FHAD1: variants seen among roughly 807,000 people sequenced by gnomAD.
The protein encoded by FHAD1 is forkhead associated phosphopeptide binding domain 1, also known as forkhead-associated domain-containing protein 1.
In FHAD1, 146 loss-of-function variants were observed where a neutral mutation model predicts 191.3. The observed-to-expected ratio is 0.76, with a 90% CI of 0.67 to 0.88. FHAD1 has a LOEUF of 0.88. Among genes scored for constraint, FHAD1 ranks in the 40% least tolerant of loss-of-function variants. The pLI, the probability that FHAD1 is intolerant of heterozygous loss-of-function variation, is 0.00. For synonymous variants in FHAD1, 616 were observed against 672.3 expected, an observed-to-expected ratio of 0.92 and a Z score of 1.29; for missense variants, 1,635 against 1,785.8, an observed-to-expected ratio of 0.92 and a Z score of 1.52.
At chr1:15,365,727 A>G in intron 23 of FHAD1, 100 bp from the exon 24 acceptor site, 1 of 714,348 alleles carries the variant, frequency 1.4e-6, no homozygotes. Flanking sequence ...ATGGACCGTG[A>G]TTGAGAATCT....
chr1:15,385,757 A>G (rs1701965507), intron 31 of FHAD1, among the ~76,000 whole-genome samples: 1 of 152,230 alleles, frequency 6.6e-6, no homozygotes, highest in Non-Finnish European at 1.5e-5. Context: ...CCTGGGCAAC[A>G]CAGCAAGACC....
At chr1:15,328,167 A>C (rs1679634241) in intron 12 of FHAD1, 110 bp from the exon 13 acceptor site, 1 of 857,998 alleles carries the variant, frequency 1.2e-6, no homozygotes, top group African/African-American at 1.7e-5. Flanking sequence ...CCGTGCTTAG[A>C]CAGGGACTTA....
At chr1:15,254,508 G>GGGT (rs55822521) in intron 2 of FHAD1, among the ~76,000 whole-genome samples, 107,583 of 151,904 alleles carry the variant, frequency 0.71, 39,131 homozygotes, top group East Asian at 0.95. Context: ...TTTGTTCACA[G>GGGT]TAAGGTGGGT....
rs562673863 is a variant in FHAD1, at chr1:15,301,402, C to T, written c.876C>T (p.Ile292=). 7.4e-5 allele frequency: 115 copies of T among 1,551,726 alleles called. No homozygotes were observed. The East Asian group carries it at 2.4e-3, about 33-fold the overall frequency. Residue 292 remains isoleucine, a synonymous_variant, in exon 6 of 34, where the codon ATC becomes ATT. Transcript: ENST00000688493. ...AGTGTCAGGTTCTGGATGAAGACAT[C>T]GATGCCAAACAGAAAGAGATCCAGA... ...SQKCQVLDED[I]DAKQKEIQSL... is the part of the protein sequence containing the mutation.
chr1:15,318,222 G>C lies in FHAD1; in HGVS notation c.1365+294G>C, dbSNP rs1390749659. ...ACCCACCTCTGGCCTCCCAATCCCA[G>C]TTTTGAGTTTCGTGTTGCTTAATTA... On this transcript the variant is annotated intron_variant, in intron 10 of 33. Coordinates refer to ENST00000688493, the MANE Select transcript of FHAD1 (RefSeq NM_001391957.1). This position sits in a 1 kb window ranked among gnomAD's most constrained non-coding sequence, Gnocchi z 4.1. Among the ~76,000 whole-genome samples the C allele has an allele frequency of 6.6e-6, 1 of 152,156 alleles. No individual in the cohort carries two copies. Among genetic ancestry groups the C allele is most frequent in the Non-Finnish European group, 1.5e-5 (1 of 68,040 alleles).
intron 3 of FHAD1, among the ~76,000 whole-genome samples, chr1:15,277,846 T>C (rs1283234658): frequency 1.3e-5 from 2 of 152,174 alleles, no homozygotes; most frequent in Non-Finnish European, 2.9e-5. Flanking sequence ...GTGATGATAA[T>C]GTCTGGCGGC....
At position 15,358,136 on chromosome 1, in the gene FHAD1, G is replaced by C. The variant is rs771120143; in HGVS notation, c.2589G>C (p.Glu863Asp). 32 of 1,511,996 alleles carry C rather than the reference G, an allele frequency of 2.1e-5. 1 individual carries two copies. The highest frequency in any genetic ancestry group is 1.8e-5 in the Non-Finnish European group (21 of 1,137,286). 93.7% of individuals were successfully genotyped at this position (1,511,996 alleles called of 1,614,324 possible). A position where few individuals can be genotyped will look rare whatever the true frequency, so the allele number is the denominator to read the frequency against. The change falls in exon 21 of 34, where the codon GAG (glutamate) becomes GAC (aspartate). Residue 863 changes from glutamate to aspartate, a missense_variant. Physicochemically the swap from Glu to Asp is conservative, Grantham distance 45. Coordinates refer to ENST00000688493, the MANE Select transcript of FHAD1 (RefSeq NM_001391957.1). The part of the protein sequence containing the change: ...KEELELKEQK[E>D]DVLNNKLSDA... ...AATTAGAATTAAAAGAGCAAAAAGA[G>C]GACGTTTTAAATAATAAATTAAGTG...
In FHAD1 at chr1:15,272,394, C is replaced by T; in HGVS notation, c.165C>T (p.Asp55=). 1 of 1,551,766 alleles carries T rather than the reference C, an allele frequency of 6.4e-7. No homozygotes were observed. Among genetic ancestry groups the T allele is most frequent in the Non-Finnish European group, 8.7e-7 (1 of 1,147,004 alleles). Residue 55 remains aspartate (D), a synonymous_variant, in exon 3 of 34, where the codon GAC becomes GAT. Transcript: ENST00000688493. ...CGGAGTGCAGCTTTGTTCTCCAGGA[C>T]TTCAATTCCCGCAACGGCACGTTTG... ...NEAECSFVLQ[D]FNSRNGTFVN... is the part of the protein sequence containing the mutation.
intron 11 of FHAD1, 135 bp from the exon 12 acceptor site, chr1:15,326,924 T>C: frequency 1.6e-6 from 1 of 609,036 alleles, no homozygotes; most frequent in Non-Finnish European, 3.0e-6. Flanking sequence ...CGGTGAAGAT[T>C]CTGATAACGC....
chr1:15,259,439 A>C (rs1430690001), intron 2 of FHAD1, among the ~76,000 whole-genome samples: 1 of 152,144 alleles, frequency 6.6e-6, no homozygotes, highest in Non-Finnish European at 1.5e-5. Flanking sequence ...GCTGAGTTTC[A>C]GACTTGGGGC....
chr1:15,274,386 T>C lies in FHAD1; in HGVS notation c.300+1857T>C, dbSNP rs572056825. 1.0e-3 allele frequency among the ~76,000 whole-genome samples: 153 copies of C among 152,196 alleles called. 2 individuals carry two copies. Among genetic ancestry groups the C allele is most frequent in the Non-Finnish European group, 2.8e-4 (19 of 67,996 alleles). Reference sequence around the variant, plus strand: ...ACTTTGGGAGGCCGAGCCGGGCAGATTGCCTGAGCTCAGGAGTTTGCGACC... The same window carrying C: ...ACTTTGGGAGGCCGAGCCGGGCAGACTGCCTGAGCTCAGGAGTTTGCGACC... On this transcript the variant is annotated intron_variant, in intron 3 of 33. Transcript: ENST00000688493.
intron 11 of FHAD1, 177 bp downstream of exon 11, chr1:15,324,736 T>C: frequency 1.6e-6 from 1 of 606,210 alleles, no homozygotes; most frequent in Non-Finnish European, 3.0e-6. Context: ...GGACATCGCT[T>C]AACAGGTTTC....
chr1:15,366,587 C>G (rs1696555592), intron 24 of FHAD1, among the ~76,000 whole-genome samples: 1 of 152,194 alleles, frequency 6.6e-6, no homozygotes. Context: ...CTGCAGCAGG[C>G]CAGTTTGCAC....
chr1:15,251,207 C>T (rs142424983), intron 1 of FHAD1, among the ~76,000 whole-genome samples: 6 of 150,880 alleles, frequency 4.0e-5, no homozygotes, highest in East Asian at 1.9e-4. Flanking sequence ...CCCAGGAGAT[C>T]GAGACCTCAG....
At chr1:15,320,124 A>G (rs1196027687) in intron 10 of FHAD1, among the ~76,000 whole-genome samples, 1 of 152,168 alleles carries the variant, frequency 6.6e-6, no homozygotes, top group East Asian at 1.9e-4. Flanking sequence ...GTTACTATGC[A>G]GCTTATTTCC....
chr1:15,286,044 G>A (rs1022214207), intron 3 of FHAD1, among the ~76,000 whole-genome samples: 1 of 152,206 alleles, frequency 6.6e-6, no homozygotes, highest in Non-Finnish European at 1.5e-5. Flanking sequence ...GCGGCTCTGA[G>A]GAGAGGAGAA....
intron 2 of FHAD1, among the ~76,000 whole-genome samples, chr1:15,261,313 G>A (rs1035981966): frequency 5.9e-5 from 9 of 152,304 alleles, no homozygotes; most frequent in South Asian, 2.1e-4. Context: ...TTCATAGTCA[G>A]GCTGTCTGGG....
chr1:15,292,582 G>T (rs566304502), intron 4 of FHAD1, among the ~76,000 whole-genome samples: 1 of 152,112 alleles, frequency 6.6e-6, no homozygotes, highest in Non-Finnish European at 1.5e-5. Flanking sequence ...TGATCCACCC[G>T]CCTTTAAAGA....
intron 6 of FHAD1, among the ~76,000 whole-genome samples, chr1:15,308,300 A>T (rs7550951): frequency 6.6e-6 from 1 of 152,074 alleles, no homozygotes; most frequent in Non-Finnish European, 1.5e-5. Flanking sequence ...CCAACAGGTG[A>T]TCTGTTTATG....
Sources: gnomAD v4.1 joint callset for allele counts (sites outside exome capture counted in the v4.1 genomes callset) on GRCh38, gnomAD v4.1.1 for gene constraint, Gnocchi (gnomAD v3.1) non-coding constraint, MANE v1.5 for transcripts, NCBI Gene and HGNC (gene_info 2026-07-23, HGNC 2026-07-21) for gene names.